TMEM170A: variants seen among roughly 807,000 people sequenced by gnomAD.
The protein encoded by TMEM170A is transmembrane protein 170.
TMEM170A carries 18 observed loss-of-function variants against 12.8 expected under a neutral mutation model. The observed-to-expected ratio is 1.41, with a 90% CI of 0.97 to 2.09. The LOEUF (loss-of-function observed/expected upper bound fraction) is 2.09, where lower values mean the gene tolerates loss of function less well. Ranked by LOEUF, TMEM170A falls within the 30% of genes most tolerant of loss-of-function variation. The pLI is 0.00. For synonymous variants in TMEM170A, 107 were observed against 76.2 expected, an observed-to-expected ratio of 1.40 and a Z score of -2.11; for missense variants, 220 against 179.9, an observed-to-expected ratio of 1.22 and a Z score of -1.28.
intron 2 of TMEM170A, 170 bp downstream of exon 2, chr16:75,451,499 A>G (rs2079680329): frequency 4.5e-6 from 3 of 672,966 alleles, no homozygotes; most frequent in Non-Finnish European, 7.7e-6. Flanking sequence ...CAGTGAGCCA[A>G]TATTGCAACC....
At chr16:75,449,596 G>A (rs1334322875) in intron 2 of TMEM170A, among the ~76,000 whole-genome samples, 2 of 152,180 alleles carry the variant, frequency 1.3e-5, no homozygotes, top group Non-Finnish European at 2.9e-5. Context: ...TGGGATTACA[G>A]GCATAAGCCA....
rs1249511213 is a variant in TMEM170A, at chr16:75,451,666, T to C, written c.304+3A>G. On this transcript the variant is annotated splice_donor_region_variant and intron_variant, in intron 2 of 2. Coordinates refer to ENST00000561878, the MANE Select transcript of TMEM170A (RefSeq NM_145254.3). ...TTGACTGGTATTTTAATGTCTAACA[T>C]ACTTGTCAAGATTCCAGCAGTAATT... 1 of 1,614,190 alleles carries C rather than the reference T, an allele frequency of 6.2e-7. No homozygotes were observed. Among genetic ancestry groups the C allele is most frequent in the African/African-American group, 1.3e-5 (1 of 75,064 alleles).
At chr16:75,454,310 GCA>G (rs1316004167) in intron 1 of TMEM170A, among the ~76,000 whole-genome samples, 5 of 152,176 alleles carry the variant, frequency 3.3e-5, no homozygotes, top group Non-Finnish European at 5.9e-5. Flanking sequence ...CTTTACCAAA[GCA>G]CAGAGGCTTT....
In TMEM170A at chr16:75,443,659, T is replaced by A. The variant is rs1443281976; in HGVS notation, c.*3899A>T. The A allele has an allele frequency of 1.3e-5, 2 of 152,220 alleles. No homozygotes were observed. Among genetic ancestry groups the A allele is most frequent in the Non-Finnish European group, 2.9e-5 (2 of 68,036 alleles). 9.4% of individuals were successfully genotyped at this position (152,220 alleles called of 1,614,324 possible). On this transcript the variant is annotated 3_prime_UTR_variant, in exon 3 of 3. Coordinates refer to ENST00000561878, the MANE Select transcript of TMEM170A (RefSeq NM_145254.3). ...GGTAATTAATGAACTTTTCCTCACC[T>A]AGTGTAAACATTTCATAAGAAGTAA...
chr16:75,449,440 G>A (rs753414346), intron 2 of TMEM170A, among the ~76,000 whole-genome samples: 1 of 151,056 alleles, frequency 6.6e-6, no homozygotes, highest in African/African-American at 2.4e-5. Context: ...TGATCCTCCC[G>A]AGCAGCTGGG....
Position 75,464,479 on chromosome 16 carries a change from C to G in TMEM170A, c.122G>C (p.Cys41Ser). ...GTLCPNSTSL[C>S]SFPEMWYGVF... ...GGGGCGGGCCGTACCTGGGAAGGAG[C>G]AGAGGGAAGTAGAGTTGGGGCACAG... Residue 41 changes from cysteine (C) to serine (S), a missense_variant, in exon 1 of 3, where the codon TGC becomes TCC. By Grantham distance (112) the Cys-to-Ser change is moderately radical (BLOSUM62 -1). Transcript: ENST00000561878. The G allele has an allele frequency of 6.5e-7, 1 of 1,549,072 alleles. No homozygotes were observed. Among genetic ancestry groups the G allele is most frequent in the Non-Finnish European group, 8.7e-7 (1 of 1,152,232 alleles).
Position 75,443,324 on chromosome 16 carries a change from A to G in TMEM170A, c.*4234T>C, listed in dbSNP as rs960706011. The G allele has an allele frequency of 1.3e-5, 2 of 152,254 alleles. No individual in the cohort carries two copies. The highest frequency in any genetic ancestry group is 2.9e-5 in the Non-Finnish European group (2 of 68,044). The allele number at this position is 152,254 out of a possible 1,614,324, so 9.4% of individuals were successfully genotyped here. ...AAAAATAAAATTTAAATAATTTTCT[A>G]TTGTACAAAGATTTGATCATTTTGA... is the stretch of plus-strand genomic sequence containing the variant. On this transcript the variant is annotated 3_prime_UTR_variant, in exon 3 of 3. Transcript: ENST00000561878.
At chr16:75,452,961 T>A (rs907202690) in intron 1 of TMEM170A, among the ~76,000 whole-genome samples, 2 of 149,664 alleles carry the variant, frequency 1.3e-5, no homozygotes, top group African/African-American at 4.9e-5. Context: ...TTCATTTAAG[T>A]ATTGTTTATG....
Position 75,450,867 on chromosome 16 carries a change from G to A in TMEM170A, c.304+802C>T, listed in dbSNP as rs935492771. Reference sequence around the variant, plus strand: ...TGTAGAGATGGGGTCTTGCTATGTTGCTGAGGCTAGTCTCAATTTCCTAGG... The same window carrying A: ...TGTAGAGATGGGGTCTTGCTATGTTACTGAGGCTAGTCTCAATTTCCTAGG... On this transcript the variant is annotated intron_variant, in intron 2 of 2. Coordinates refer to ENST00000561878, the MANE Select transcript of TMEM170A (RefSeq NM_145254.3). 7.2e-5 allele frequency among the ~76,000 whole-genome samples: 11 copies of A among 152,084 alleles called. 1 individual carries two copies. Among genetic ancestry groups the A allele is most frequent in the Admixed American group, 6.6e-4 (10 of 15,258 alleles).
At chr16:75,460,150 C>G (rs1263564513) in intron 1 of TMEM170A, 1 of 152,306 alleles carries the variant, frequency 6.6e-6, no homozygotes, top group East Asian at 1.9e-4. Flanking sequence ...CTGACCAGAC[C>G]TTGTCTGTCC....
At position 75,447,597 on chromosome 16, in the gene TMEM170A, G is replaced by C; in HGVS notation, c.396C>G (p.Val132=). 6.2e-7 allele frequency: 1 copy of C among 1,613,358 alleles called. No individual in the cohort carries two copies. The highest frequency in any genetic ancestry group is 1.1e-5 in the South Asian group (1 of 90,964). ...LTLGTGQTFC[V]LVVSFLRILA... ...AAATCCGTAAAAAGGAGACCACCAAGACGCAAAATGTCTGTCCAGTGCCCA... is the reference window on the plus strand; with the variant it reads ...AAATCCGTAAAAAGGAGACCACCAACACGCAAAATGTCTGTCCAGTGCCCA... Residue 132 remains valine (V), a synonymous_variant, in exon 3 of 3, where the codon GTC becomes GTG. Transcript: ENST00000561878.
intron 1 of TMEM170A, among the ~76,000 whole-genome samples, chr16:75,462,921 G>A (rs1009715435): frequency 2.6e-5 from 4 of 152,176 alleles, no homozygotes; most frequent in Non-Finnish European, 5.9e-5. Context: ...GAAGATACAT[G>A]TTAAGATTAT....
In TMEM170A at chr16:75,454,010, C is replaced by T. The variant is rs543748173; in HGVS notation, c.134-2171G>A. Among the ~76,000 whole-genome samples, 4 of 152,332 alleles carry T rather than the reference C, an allele frequency of 2.6e-5. No individual in the cohort carries two copies. The South Asian group carries it at 6.2e-4, about 24-fold the overall frequency. ...CCACAGGGAGGGACTGGCGGTGACA[C>T]ATTAGATAAAACCCACTGTCCATCC... is the stretch of plus-strand genomic sequence containing the variant. On this transcript the variant is annotated intron_variant, in intron 1 of 2. Coordinates refer to ENST00000561878, the MANE Select transcript of TMEM170A (RefSeq NM_145254.3).
In TMEM170A at chr16:75,464,562, G is replaced by A; in HGVS notation, c.39C>T (p.Ala13=). The change falls in exon 1 of 3, where the codon GCC becomes GCT. Residue 13 remains alanine, a synonymous_variant. Coordinates refer to ENST00000561878, the MANE Select transcript of TMEM170A (RefSeq NM_145254.3). Reference sequence around the variant, plus strand: ...GGCTCAGGATCTGCTGCAGGAGCCCGGCCGACCCGCCGCTGCCGCCGCTCC... The same window carrying A: ...GGCTCAGGATCTGCTGCAGGAGCCCAGCCGACCCGCCGCTGCCGCCGCTCC... ...REGSGGSGGS[A]GLLQQILSLK... 3.8e-6 allele frequency: 6 copies of A among 1,585,558 alleles called. No individual in the cohort carries two copies. Among genetic ancestry groups the A allele is most frequent in the South Asian group, 1.1e-5 (1 of 88,162 alleles).
intron 2 of TMEM170A, among the ~76,000 whole-genome samples, chr16:75,448,482 G>A (rs907329574): frequency 6.6e-6 from 1 of 152,206 alleles, no homozygotes; most frequent in Middle Eastern, 3.2e-3. Flanking sequence ...AATAGATCCG[G>A]CCGGGCACGG....
chr16:75,458,126 T>C (rs1467239477), intron 1 of TMEM170A: 3 of 152,232 alleles, frequency 2.0e-5, no homozygotes, highest in Admixed American at 6.5e-5. Context: ...CAAATCTTTG[T>C]CTACATATCT....
In TMEM170A at chr16:75,451,780, C is replaced by A. The variant is rs145957627; in HGVS notation, c.193G>T (p.Ala65Ser). ...LVSSLFFHVP[A>S]GLLALFTLRH... ...AGGGTGAAGAGGGCCAGTAATCCAG[C>A]AGGGACATGAAAGAAGAGAGAAGAC... Residue 65 changes from alanine to serine, a missense_variant, in exon 2 of 3, where the codon GCT becomes TCT. Physicochemically the swap from Ala to Ser is moderately conservative, Grantham distance 99. Transcript: ENST00000561878. 9 of 1,613,896 alleles carry A rather than the reference C, an allele frequency of 5.6e-6. No individual in the cohort carries two copies. The African/African-American group carries it at 1.2e-4, about 22-fold the overall frequency.
intron 2 of TMEM170A, among the ~76,000 whole-genome samples, chr16:75,449,081 A>AATAC (rs2079635002): frequency 1.3e-5 from 2 of 151,888 alleles, no homozygotes; most frequent in Admixed American, 6.6e-5. Flanking sequence ...TAAATAAATA[A>AATAC]ATAATAAAAA....
chr16:75,443,740 CTT>C lies in TMEM170A; in HGVS notation c.*3816_*3817del, dbSNP rs781246699. On this transcript the variant is annotated 3_prime_UTR_variant, in exon 3 of 3. Coordinates refer to ENST00000561878, the MANE Select transcript of TMEM170A (RefSeq NM_145254.3). The stretch of plus-strand genomic sequence containing the variant: ...CCTCTTTTAGAATATTCATGATGCT[CTT>C]GTGTATGAACTTAAGTTTTCATGAA... The C allele has an allele frequency of 1.3e-5, 2 of 152,128 alleles. No homozygotes were observed. The highest frequency in any genetic ancestry group is 2.4e-5 in the African/African-American group (1 of 41,416). 9.4% of individuals were successfully genotyped at this position (152,128 alleles called of 1,614,324 possible). A position where few individuals can be genotyped will look rare whatever the true frequency, so the allele number is the denominator to read the frequency against.
Sources: gnomAD v4.1 joint callset for allele counts (sites outside exome capture counted in the v4.1 genomes callset) on GRCh38, gnomAD v4.1.1 for gene constraint, MANE v1.5 for transcripts, NCBI Gene and HGNC (gene_info 2026-07-23, HGNC 2026-07-21) for gene names.